The following ZPBP variants were observed in gnomAD, a reference collection of about 807,000 sequenced individuals.
ZPBP encodes the protein zona pellucida binding protein, also known as zona pellucida-binding protein 1.
In ZPBP, 26 loss-of-function variants were observed where a neutral mutation model predicts 44.8. The ratio of observed to expected loss-of-function variants is 0.58; its 90% CI spans 0.43 to 0.81. ZPBP has a LOEUF of 0.81. Ranked by LOEUF, ZPBP falls within the 30% of genes least tolerant of loss-of-function variation. The pLI, the probability that ZPBP is intolerant of heterozygous loss-of-function variation, is 0.00. For synonymous variants in ZPBP, 174 were observed against 153.2 expected, an observed-to-expected ratio of 1.14 and a Z score of -1.00; for missense variants, 409 against 434.0, an observed-to-expected ratio of 0.94 and a Z score of 0.51.
chr7:49,867,907 C>G (rs1341547217), intron 2 of ZPBP, among the ~76,000 whole-genome samples: 1 of 151,402 alleles, frequency 6.6e-6, no homozygotes, highest in South Asian at 2.1e-4. Flanking sequence ...AATCTCGGCT[C>G]ACTGCAATCT....
chr7:49,933,711 A>G (rs987089873), downstream of ZPBP, among the ~76,000 whole-genome samples: 4 of 152,194 alleles, frequency 2.6e-5, no homozygotes, highest in African/African-American at 9.7e-5. Flanking sequence ...ACCATGGAAT[A>G]CTATGCAGCC....
intron 6 of ZPBP, among the ~76,000 whole-genome samples, chr7:50,009,582 G>A (rs937215141): frequency 1.3e-4 from 20 of 151,912 alleles, no homozygotes; most frequent in East Asian, 1.2e-3. Flanking sequence ...CTTTAATTTC[G>A]TATATCTCTC....
intron 2 of ZPBP, among the ~76,000 whole-genome samples, chr7:49,887,021 T>C (rs946531273): frequency 4.6e-5 from 7 of 152,218 alleles, no homozygotes; most frequent in Non-Finnish European, 4.4e-5. Context: ...TTTTAAGTAC[T>C]TTTTTGCAGA....
At chr7:49,891,970 A>G (rs1006475243) in intron 2 of ZPBP, among the ~76,000 whole-genome samples, 7 of 152,068 alleles carry the variant, frequency 4.6e-5, no homozygotes, top group African/African-American at 1.4e-4. Context: ...ATGAAAAGAT[A>G]CAAATACGGA....
intron 2 of ZPBP, among the ~76,000 whole-genome samples, chr7:49,865,213 G>A (rs1001287775): frequency 3.3e-5 from 5 of 152,170 alleles, no homozygotes; most frequent in South Asian, 4.1e-4. Context: ...TGTGTGGTCC[G>A]TGGGGTAGGA....
intron 2 of ZPBP, among the ~76,000 whole-genome samples, chr7:50,083,487 A>T (rs888824136): frequency 2.0e-5 from 3 of 152,046 alleles, no homozygotes; most frequent in Non-Finnish European, 2.9e-5. Flanking sequence ...TTATTTAAGA[A>T]GCTCTTCAAT....
chr7:50,071,511 C>T (rs1801834329), intron 3 of ZPBP, among the ~76,000 whole-genome samples: 1 of 152,124 alleles, frequency 6.6e-6, no homozygotes. Context: ...GGGGCACACA[C>T]CTGGTGAACT....
At chr7:49,899,327 T>A (rs1792578903) in intron 2 of ZPBP, among the ~76,000 whole-genome samples, 1 of 151,972 alleles carries the variant, frequency 6.6e-6, no homozygotes, top group African/African-American at 2.4e-5. Context: ...TTTAGAGCAG[T>A]GCAAAAAAAT....
At chr7:49,995,469 T>C (rs1485283317) in intron 6 of ZPBP, among the ~76,000 whole-genome samples, 1 of 152,228 alleles carries the variant, frequency 6.6e-6, no homozygotes, top group African/African-American at 2.4e-5. Flanking sequence ...CAGCTGCAAC[T>C]GGAATCACCA....
rs564152314 is a variant in ZPBP, at chr7:49,937,537, C to T, written c.1047G>A (p.Thr349=). The part of the protein sequence containing the change: ...CNSSLVYGAK[T]CL ...AACTGAAGATAATGGCTTATAAGCA[C>T]GTTTTTGCTCCATACACCAGGCTGC... The change falls in exon 8 of 8, where the codon ACG becomes ACA. Residue 349 remains threonine, a synonymous_variant. Coordinates refer to ENST00000046087, the MANE Select transcript of ZPBP (RefSeq NM_007009.3). 21 of 1,613,084 alleles carry T rather than the reference C, an allele frequency of 1.3e-5. No individual in the cohort carries two copies. Among genetic ancestry groups the T allele is most frequent in the Admixed American group, 1.2e-4 (7 of 59,996 alleles).
chr7:50,039,964 A>C (rs1359024445), intron 4 of ZPBP, among the ~76,000 whole-genome samples: 1 of 152,206 alleles, frequency 6.6e-6, no homozygotes, highest in Non-Finnish European at 1.5e-5. Flanking sequence ...AGCAAGCTCT[A>C]GAGAAATTAA....
downstream of ZPBP, among the ~76,000 whole-genome samples, chr7:49,933,378 A>G (rs1794512234): frequency 6.6e-6 from 1 of 152,204 alleles, no homozygotes; most frequent in Admixed American, 6.5e-5. Flanking sequence ...GTAACAGAAA[A>G]CCTAACTTGC....
chr7:49,964,646 C>T (rs1243703361), intron 7 of ZPBP, among the ~76,000 whole-genome samples: 6 of 152,040 alleles, frequency 3.9e-5, no homozygotes, highest in Non-Finnish European at 7.4e-5. Context: ...CCAAATAATC[C>T]TCACTTATTG....
At chr7:50,056,934 C>T (rs1348012780) in intron 4 of ZPBP, among the ~76,000 whole-genome samples, 1 of 152,056 alleles carries the variant, frequency 6.6e-6, no homozygotes, top group Non-Finnish European at 1.5e-5. Context: ...GCCTGTAATC[C>T]CAGCACTTTG....
At chr7:50,066,228 G>A (rs1186570080) in intron 3 of ZPBP, among the ~76,000 whole-genome samples, 5 of 150,060 alleles carry the variant, frequency 3.3e-5, no homozygotes, top group Admixed American at 2.0e-4. Context: ...TAGGAGAGAG[G>A]GTCTTCTTTG....
intron 2 of ZPBP, among the ~76,000 whole-genome samples, chr7:49,875,338 C>T (rs1470671656): frequency 1.8e-5 from 2 of 112,776 alleles, no homozygotes; most frequent in Non-Finnish European, 3.3e-5. Context: ...CCACTGCTCT[C>T]CAGCCTGGGT....
At position 49,969,818 on chromosome 7, in the gene ZPBP, TAGAGAG is replaced by T. The variant is rs34673727; in HGVS notation, c.961+13518_961+13523del. Among the ~76,000 whole-genome samples the T allele has an allele frequency of 1.2e-3, 148 of 123,498 alleles. 1 individual carries two copies. Among genetic ancestry groups the T allele is most frequent in the African/African-American group, 3.9e-3 (139 of 35,334 alleles). The allele number at this position is 123,498 out of a possible 152,430, so 81.0% of individuals were successfully genotyped here. A position where few individuals can be genotyped will look rare whatever the true frequency, so the allele number is the denominator to read the frequency against. On this transcript the variant is annotated intron_variant, in intron 7 of 7. Coordinates refer to ENST00000046087, the MANE Select transcript of ZPBP (RefSeq NM_007009.3). ...GTTAATAAATGTATATATATATATATAGAGAGAGAGAGAGAGAGAGAGAGAGAAAGA... is the reference window on the plus strand; with the variant it reads ...GTTAATAAATGTATATATATATATATAGAGAGAGAGAGAGAGAGAGAAAGA...
chr7:49,995,066 C>G (rs528975775), intron 6 of ZPBP, among the ~76,000 whole-genome samples: 2 of 152,300 alleles, frequency 1.3e-5, no homozygotes, highest in African/African-American at 4.8e-5. Context: ...AGAAATTTCA[C>G]TGAGGCAGAA....
At chr7:49,884,130 A>G (rs1791797480) in intron 2 of ZPBP, among the ~76,000 whole-genome samples, 1 of 152,236 alleles carries the variant, frequency 6.6e-6, no homozygotes, top group African/African-American at 2.4e-5. Context: ...GGGTTCCTGC[A>G]GTGGCCCCTG....
Sources: gnomAD v4.1 joint callset for allele counts (sites outside exome capture counted in the v4.1 genomes callset) on GRCh38, gnomAD v4.1.1 for gene constraint, MANE v1.5 for transcripts, NCBI Gene and HGNC (gene_info 2026-07-23, HGNC 2026-07-21) for gene names.